The following CCNY variants were observed in gnomAD, a reference collection of about 807,000 sequenced individuals.
CCNY encodes the protein cyclin Y.
In CCNY, 19 loss-of-function variants were observed where a neutral mutation model predicts 42.8. The observed-to-expected ratio is 0.44, with a 90% CI of 0.31 to 0.65. The LOEUF (loss-of-function observed/expected upper bound fraction) is 0.65, where lower values mean the gene tolerates loss of function less well. CCNY is among the 30% of genes least tolerant of loss of function. The pLI, the probability that CCNY is intolerant of heterozygous loss-of-function variation, is 0.07. For missense variants in CCNY, 370 were observed against 437.3 expected, an observed-to-expected ratio of 0.85 and a Z score of 1.37; for synonymous variants, 165 against 162.7, an observed-to-expected ratio of 1.01 and a Z score of -0.11.
intron 3 of CCNY, among the ~76,000 whole-genome samples, chr10:35,323,836 T>C (rs915977977): frequency 6.6e-6 from 1 of 152,018 alleles, no homozygotes; most frequent in Non-Finnish European, 1.5e-5. Flanking sequence ...CTGGCCAACA[T>C]GGTGAAACCC....
chr10:35,262,813 A>C (rs970481425), intron 3 of CCNY, among the ~76,000 whole-genome samples: 2 of 152,190 alleles, frequency 1.3e-5, no homozygotes, highest in Admixed American at 1.3e-4. Flanking sequence ...TCTCTTAACC[A>C]GTCTTTTCTC....
At chr10:35,295,535 T>C (rs1035464738) in intron 3 of CCNY, among the ~76,000 whole-genome samples, 19 of 152,096 alleles carry the variant, frequency 1.2e-4, no homozygotes, top group East Asian at 5.8e-4. Context: ...CCCAGCCTCA[T>C]CATTACAAAC....
rs1373732467 is a variant in CCNY at position 35,571,639 on chromosome 10, G to T, written c.*2469G>T. 1 of 152,294 alleles carries T rather than the reference G, an allele frequency of 6.6e-6. No homozygotes were observed. The highest frequency in any genetic ancestry group is 2.4e-5 in the African/African-American group (1 of 41,434). 9.4% of individuals were successfully genotyped at this position (152,294 alleles called of 1,614,324 possible). A position where few individuals can be genotyped will look rare whatever the true frequency, so the allele number is the denominator to read the frequency against. On this transcript the variant is annotated 3_prime_UTR_variant, in exon 10 of 10. Coordinates refer to ENST00000374704, the MANE Select transcript of CCNY (RefSeq NM_145012.6). ...TTCATTTTCTTTTCTTTTTCTACAT[G>T]ATGATGAATAGTTATGTTTTCTTCT...
intron 1 of CCNY, among the ~76,000 whole-genome samples, chr10:35,377,750 A>G (rs191130049): frequency 6.6e-6 from 1 of 152,224 alleles, no homozygotes; most frequent in African/African-American, 2.4e-5. Context: ...TAACATTATA[A>G]TGTAACCATT....
intron 1 of CCNY, among the ~76,000 whole-genome samples, chr10:35,479,939 T>C (rs1406479867): frequency 6.6e-6 from 1 of 152,100 alleles, no homozygotes; most frequent in African/African-American, 2.4e-5. Context: ...AGTGTGAAGT[T>C]AGGGTGATAA....
intron 1 of CCNY, among the ~76,000 whole-genome samples, chr10:35,412,041 G>A (rs1837917895): frequency 6.6e-6 from 1 of 152,174 alleles, no homozygotes; most frequent in African/African-American, 2.4e-5. Context: ...GCTCCTGTGT[G>A]GGTCTGAGAC....
At chr10:35,267,297 G>A (rs1293497868) in intron 3 of CCNY, among the ~76,000 whole-genome samples, 5 of 145,424 alleles carry the variant, frequency 3.4e-5, no homozygotes, top group Non-Finnish European at 7.5e-5. Context: ...AACAGAGAGA[G>A]ATCCCATCAC....
chr10:35,449,113 C>A (rs889375163), intron 1 of CCNY, among the ~76,000 whole-genome samples: 1 of 151,816 alleles, frequency 6.6e-6, no homozygotes, highest in Non-Finnish European at 1.5e-5. Flanking sequence ...GAACGGGCAG[C>A]ATGGGAGTTC....
At chr10:35,516,396 A>G (rs1375149613) in intron 3 of CCNY, 127 bp from the exon 4 acceptor site, 5 of 688,836 alleles carry the variant, frequency 7.3e-6, no homozygotes, top group Admixed American at 2.5e-5. Context: ...CTTGGTGGTA[A>G]TGTTGACATT....
chr10:35,307,760 ATGTGTGTGTGTG>A lies in CCNY; in HGVS notation c.-9+57164_-9+57175del, dbSNP rs60407989. On this transcript the variant is annotated intron_variant, in intron 3 of 11. Transcript: ENST00000374706. ...TATATATACATATTGATGTGTATAT[ATGTGTGTGTGTG>A]TGTGTGTGTGTGTGTGTGTGTGTGT... Among the ~76,000 whole-genome samples the A allele has an allele frequency of 5.7e-3, 663 of 116,144 alleles. 6 individuals are homozygous for A. The highest frequency in any genetic ancestry group is 0.02 in the African/African-American group (585 of 28,928). The allele number at this position is 116,144 out of a possible 152,430, so 76.2% of individuals were successfully genotyped here.
chr10:35,416,926 C>T (rs1742523463), intron 1 of CCNY, among the ~76,000 whole-genome samples: 1 of 152,138 alleles, frequency 6.6e-6, no homozygotes, highest in Non-Finnish European at 1.5e-5. Flanking sequence ...AGGAAAGAAA[C>T]TGAAGTCTAG....
intron 3 of CCNY, among the ~76,000 whole-genome samples, chr10:35,267,448 T>C (rs1414029377): frequency 6.6e-6 from 1 of 152,202 alleles, no homozygotes; most frequent in African/African-American, 2.4e-5. Flanking sequence ...GCTCATTCTT[T>C]TGTTGCCAAA....
At chr10:35,359,512 A>ATTT (rs35943034) in intron 1 of CCNY, among the ~76,000 whole-genome samples, 4 of 126,716 alleles carry the variant, frequency 3.2e-5, no homozygotes, top group African/African-American at 8.2e-5. Context: ...TATTATTATT[A>ATTT]TTTTTTTTTG....
Position 35,483,439 on chromosome 10 carries a change from C to G in CCNY, c.190C>G (p.Arg64Gly), listed in dbSNP as rs754812038. 2.1e-5 allele frequency: 33 copies of G among 1,608,776 alleles called. No individual in the cohort carries two copies. The highest frequency in any genetic ancestry group is 2.8e-5 in the Non-Finnish European group (33 of 1,176,560). Reference sequence around the variant, plus strand: ...GGAATTCAATCCTTCAGATCATCCTCGGGCCAGCACAATATTCCTCAGTAA... The same window carrying G: ...GGAATTCAATCCTTCAGATCATCCTGGGGCCAGCACAATATTCCTCAGTAA... ...NMEFNPSDHP[R>G]ASTIFLSKSQ... is the part of the protein sequence containing the mutation. The change falls in exon 2 of 10, where the codon CGG becomes GGG. Residue 64 changes from arginine to glycine, a missense_variant. Around this residue, in one of 2 missense-constraint regions of CCNY, gnomAD observed 136 missense variants for 124.2 expected, o/e 1.09. Coordinates refer to ENST00000374704, the MANE Select transcript of CCNY (RefSeq NM_145012.6).
chr10:35,274,841 G>A (rs1835218685), intron 3 of CCNY, among the ~76,000 whole-genome samples: 1 of 152,080 alleles, frequency 6.6e-6, no homozygotes, highest in African/African-American at 2.4e-5. Context: ...ATGCGCTGTA[G>A]TAAAGCTGCC....
rs1429589914 is a variant in CCNY at position 35,572,102 on chromosome 10, C to G, written c.*2932C>G. ...AGGCCAGAGGTGTGGGCACCTGTAC[C>G]TGCCTCCTCTTCTGGGCTGGCTTTC... On this transcript the variant is annotated 3_prime_UTR_variant, in exon 10 of 10. Coordinates refer to ENST00000374704, the MANE Select transcript of CCNY (RefSeq NM_145012.6). The G allele has an allele frequency of 6.6e-6, 1 of 152,112 alleles. No individual in the cohort carries two copies. The highest frequency in any genetic ancestry group is 1.5e-5 in the Non-Finnish European group (1 of 68,076). The allele number at this position is 152,112 out of a possible 1,614,324, so 9.4% of individuals were successfully genotyped here.
At chr10:35,357,336 A>G (rs568045401) in intron 1 of CCNY, among the ~76,000 whole-genome samples, 2 of 152,348 alleles carry the variant, frequency 1.3e-5, no homozygotes, top group Non-Finnish European at 2.9e-5. Flanking sequence ...GGACAGGGAC[A>G]TGTCTTGCCC....
intron 1 of CCNY, among the ~76,000 whole-genome samples, chr10:35,459,468 T>A (rs934803302): frequency 6.6e-6 from 1 of 152,258 alleles, no homozygotes. Flanking sequence ...AAGACAATTC[T>A]TTTTCTTCCA....
At chr10:35,419,764 G>A (rs913426503) in intron 1 of CCNY, among the ~76,000 whole-genome samples, 2 of 151,820 alleles carry the variant, frequency 1.3e-5, no homozygotes, top group East Asian at 1.9e-4. Flanking sequence ...AAATATATGT[G>A]TGCATTTATG....
Sources: allele counts gnomAD v4.1 joint callset (sites outside exome capture counted in the v4.1 genomes callset), GRCh38; gene constraint gnomAD v4.1.1; regional missense constraint gnomAD v4.1.1; transcripts MANE v1.5; gene names NCBI Gene and HGNC (gene_info 2026-07-23, HGNC 2026-07-21).